Variants in PRTFDC1 observed in about 807,000 individuals in gnomAD.
PRTFDC1 encodes the protein phosphoribosyl transferase domain containing 1.
PRTFDC1 carries 38 observed loss-of-function variants against 34.6 expected under a neutral mutation model. The observed-to-expected ratio is 1.10, with a 90% CI of 0.85 to 1.44. The LOEUF is 1.44. Among genes scored for constraint, PRTFDC1 ranks in the 40% most tolerant of loss-of-function variants. PRTFDC1 has a pLI of 0.00. For missense variants in PRTFDC1, 270 were observed against 283.0 expected, an observed-to-expected ratio of 0.95 and a Z score of 0.33; for synonymous variants, 93 against 98.1, an observed-to-expected ratio of 0.95 and a Z score of 0.31.
At chr10:24,924,603 A>C (rs536369216) in intron 3 of PRTFDC1, among the ~76,000 whole-genome samples, 1 of 152,208 alleles carries the variant, frequency 6.6e-6, no homozygotes, top group Non-Finnish European at 1.5e-5. Flanking sequence ...AGAATCTACA[A>C]AGAACTTAAA....
intron 3 of PRTFDC1, among the ~76,000 whole-genome samples, chr10:24,922,218 AC>A (rs1848802288): frequency 6.6e-6 from 1 of 152,236 alleles, no homozygotes; most frequent in Non-Finnish European, 1.5e-5. Context: ...AAATAACCTA[AC>A]ATAAAATAAG....
rs1847434098 is a variant in PRTFDC1 at position 24,848,861 on chromosome 10, C to T, written c.*983G>A. ...GAAAAAAATGTTATTCAGAAAAAAA[C>T]TTTCTTGAGTGTGCTTGTTTCCTGT... On this transcript the variant is annotated 3_prime_UTR_variant, in exon 9 of 9. Coordinates refer to ENST00000320152, the MANE Select transcript of PRTFDC1 (RefSeq NM_020200.7). 6.6e-6 allele frequency: 1 copy of T among 152,086 alleles called. No homozygotes were observed. The highest frequency in any genetic ancestry group is 1.5e-5 in the Non-Finnish European group (1 of 68,016). The allele number at this position is 152,086 out of a possible 1,614,324, so 9.4% of individuals were successfully genotyped here.
At chr10:24,897,331 T>G (rs1848384380) in intron 3 of PRTFDC1, among the ~76,000 whole-genome samples, 1 of 152,152 alleles carries the variant, frequency 6.6e-6, no homozygotes, top group Non-Finnish European at 1.5e-5. Context: ...TCTATCCCTA[T>G]CCCTAAGTCT....
chr10:24,874,923 C>T (rs1456382362), intron 3 of PRTFDC1, among the ~76,000 whole-genome samples: 1 of 152,092 alleles, frequency 6.6e-6, no homozygotes, highest in Non-Finnish European at 1.5e-5. Flanking sequence ...TGAGTTCTCA[C>T]GAAATATGAT....
At chr10:24,850,409 A>G (rs2132482565) in intron 8 of PRTFDC1, among the ~76,000 whole-genome samples, 1 of 152,252 alleles carries the variant, frequency 6.6e-6, no homozygotes, top group East Asian at 1.9e-4. Context: ...AGGTGGGAGC[A>G]TGATTTGAAG....
intron 6 of PRTFDC1, 99 bp from the exon 7 acceptor site, chr10:24,855,463 T>A: frequency 7.0e-7 from 1 of 1,431,012 alleles, no homozygotes; most frequent in Non-Finnish European, 9.8e-7. Context: ...AAATACATAT[T>A]TTGCTACTGT....
At chr10:24,894,913 T>C (rs1311556384) in intron 3 of PRTFDC1, among the ~76,000 whole-genome samples, 1 of 152,116 alleles carries the variant, frequency 6.6e-6, no homozygotes, top group Non-Finnish European at 1.5e-5. Flanking sequence ...CACCACTGTC[T>C]GGCCCCACCC....
intron 3 of PRTFDC1, among the ~76,000 whole-genome samples, chr10:24,924,552 A>C (rs1296957642): frequency 6.6e-6 from 1 of 152,218 alleles, no homozygotes; most frequent in Non-Finnish European, 1.5e-5. Flanking sequence ...GAATGGGAGA[A>C]AAATTTTGCA....
chr10:24,908,298 A>G, intron 3 of PRTFDC1: 1 of 636,990 alleles, frequency 1.6e-6, no homozygotes, highest in East Asian at 2.9e-5. Context: ...GAAGACTACC[A>G]CATTGTATTT....
intron 7 of PRTFDC1, among the ~76,000 whole-genome samples, chr10:24,852,970 A>T (rs1300360398): frequency 6.6e-6 from 1 of 152,032 alleles, no homozygotes; most frequent in Non-Finnish European, 1.5e-5. Context: ...TGAGGGACTT[A>T]TTTTCTAGGG....
At chr10:24,887,221 C>T (rs962251242) in intron 3 of PRTFDC1, among the ~76,000 whole-genome samples, 16 of 152,032 alleles carry the variant, frequency 1.1e-4, no homozygotes, top group Non-Finnish European at 1.8e-4. Flanking sequence ...CCACCCGCCT[C>T]GGCCTCCCAA....
At chr10:24,937,124 T>C in intron 3 of PRTFDC1, 60 bp downstream of exon 3, 2 of 1,388,044 alleles carry the variant, frequency 1.4e-6, no homozygotes, top group Non-Finnish European at 1.9e-6. Context: ...CATTATTGAT[T>C]CTTTTATCCT....
chr10:24,926,510 G>A (rs562969752), intron 3 of PRTFDC1, among the ~76,000 whole-genome samples: 1 of 152,226 alleles, frequency 6.6e-6, no homozygotes, highest in East Asian at 1.9e-4. Flanking sequence ...CACCATACCT[G>A]GCTAATTTTT....
chr10:24,933,199 G>A (rs914745402), intron 3 of PRTFDC1, among the ~76,000 whole-genome samples: 3 of 151,486 alleles, frequency 2.0e-5, no homozygotes, highest in African/African-American at 7.3e-5. Flanking sequence ...TTGTGATCTT[G>A]GGTTAGGCAG....
At chr10:24,919,045 G>A (rs1848740871) in intron 3 of PRTFDC1, among the ~76,000 whole-genome samples, 1 of 152,114 alleles carries the variant, frequency 6.6e-6, no homozygotes, top group Non-Finnish European at 1.5e-5. Flanking sequence ...TTACTTATCA[G>A]GTTGTGGTGG....
chr10:24,924,674 C>G (rs979832908), intron 3 of PRTFDC1, among the ~76,000 whole-genome samples: 17 of 152,088 alleles, frequency 1.1e-4, no homozygotes, highest in African/African-American at 4.1e-4. Flanking sequence ...ACAGACACTT[C>G]TCAAAAGAAG....
rs543408315 is a variant in PRTFDC1, at chr10:24,859,386, C to T, written c.406-977G>A. ...TCGATTCTCCCACCTCACCTTCCCA[C>T]GTGGCTGGGATTATAGGTATGCACC... is the stretch of plus-strand genomic sequence containing the variant. On this transcript the variant is annotated intron_variant, in intron 4 of 8. Transcript: ENST00000320152. Among the ~76,000 whole-genome samples the T allele has an allele frequency of 2.6e-5, 4 of 152,252 alleles. No homozygotes were observed. The South Asian group carries it at 6.2e-4, about 24-fold the overall frequency.
intron 3 of PRTFDC1, among the ~76,000 whole-genome samples, chr10:24,927,488 A>T (rs1303658720): frequency 6.6e-6 from 1 of 152,200 alleles, no homozygotes; most frequent in Non-Finnish European, 1.5e-5. Flanking sequence ...ATGTTAAAAA[A>T]TATTTTAGAC....
rs1368897320 is a variant in PRTFDC1, at chr10:24,855,363, A to G, written c.508T>C (p.Leu170=). The G allele has an allele frequency of 2.5e-6, 4 of 1,614,040 alleles. No individual in the cohort carries two copies. The South Asian group carries it at 4.4e-5, about 18-fold the overall frequency. ...CTTCTGGATGTTCTCTTCACCAACAAACTACCATTAAAAAAGACATGCTTT... is the reference window on the plus strand; with the variant it reads ...CTTCTGGATGTTCTCTTCACCAACAGACTACCATTAAAAAAGACATGCTTT... ...YKPNMIKVAS[L]LVKRTSRSDG... Residue 170 remains leucine (L), a splice_region_variant and synonymous_variant, in exon 7 of 9, where the codon TTG becomes CTG. Transcript: ENST00000320152.
Sources: allele counts gnomAD v4.1 joint callset (sites outside exome capture counted in the v4.1 genomes callset), GRCh38; gene constraint gnomAD v4.1.1; transcripts MANE v1.5; gene names NCBI Gene and HGNC (gene_info 2026-07-23, HGNC 2026-07-21).